The following PRRC2B variants were observed in gnomAD, a reference collection of about 807,000 sequenced individuals.
PRRC2B encodes proline rich coiled-coil 2B.
In PRRC2B, 68 loss-of-function variants were observed where a neutral mutation model predicts 242.3. The ratio of observed to expected loss-of-function variants is 0.28; its 90% CI spans 0.23 to 0.34. The LOEUF (loss-of-function observed/expected upper bound fraction) is 0.34, where lower values mean the gene tolerates loss of function less well. PRRC2B is among the 10% of genes least tolerant of loss of function. The probability of loss-of-function intolerance (pLI) is 1.00; values close to 1 mark genes in which losing one functional copy is unlikely to be tolerated. For synonymous variants in PRRC2B, 1,228 were observed against 1,173.6 expected (o/e 1.05, Z -0.95); for missense variants, 2,835 against 2,954.8 (o/e 0.96, Z 0.94).
Position 131,487,136 on chromosome 9 carries a change from T to C in PRRC2B, c.5857-31T>C. On this transcript the variant is annotated intron_variant, in intron 26 of 31. Coordinates refer to ENST00000683519, the MANE Select transcript of PRRC2B (RefSeq NM_013318.4). This position sits in a 1 kb window ranked among gnomAD's most constrained non-coding sequence, Gnocchi z 5.3. ...GAACCACCTGGATGGGCCTTGCGGT[T>C]ACCTCCCCGACCCCGTTTTCCCGTT... 1 of 1,610,260 alleles carries C rather than the reference T, an allele frequency of 6.2e-7. No individual in the cohort carries two copies. Among genetic ancestry groups the C allele is most frequent in the Non-Finnish European group, 8.5e-7 (1 of 1,178,456 alleles).
In PRRC2B at chr9:131,483,253, G is replaced by C. The variant is rs1374738477; in HGVS notation, c.5374-106G>C. On this transcript the variant is annotated intron_variant, in intron 22 of 31. Coordinates refer to ENST00000683519, the MANE Select transcript of PRRC2B (RefSeq NM_013318.4). ...ATGTGGCTCCAGTGAATGCTGCTCA[G>C]TGGAGTTTTTGAGTCGGGGAAACTG... 2.8e-6 allele frequency: 3 copies of C among 1,069,338 alleles called. No individual in the cohort carries two copies. The African/African-American group carries it at 4.7e-5, about 17-fold the overall frequency. The allele number at this position is 1,069,338 out of a possible 1,614,324, so 66.2% of individuals were successfully genotyped here.
In PRRC2B at chr9:131,484,718, G is replaced by T; in HGVS notation, c.5493G>T (p.Arg1831=). ...AGLTQSIPIL[R]RDHHIQRAIG... is the part of the protein sequence containing the mutation. ...TAACACAGAGTATCCCCATCCTGCG[G>T]CGGGACCATCACATCCAGAGGGCCA... The change falls in exon 24 of 32, where the codon CGG becomes CGT. Residue 1831 remains arginine, a synonymous_variant. Transcript: ENST00000683519. 2 of 1,612,624 alleles carry T rather than the reference G, an allele frequency of 1.2e-6. No homozygotes were observed. The highest frequency in any genetic ancestry group is 1.7e-6 in the Non-Finnish European group (2 of 1,179,234).
chr9:131,395,499 GCTGT>G (rs1221336788), intron 1 of PRRC2B, among the ~76,000 whole-genome samples: 1 of 152,162 alleles, frequency 6.6e-6, no homozygotes, highest in Non-Finnish European at 1.5e-5. Context: ...TGACTCTGGG[GCTGT>G]CTGAGGCTTC....
chr9:131,490,854 G>T, intron 28 of PRRC2B: 1 of 310,890 alleles, frequency 3.2e-6, no homozygotes, highest in South Asian at 2.8e-5. Context: ...ACTTGGCTTC[G>T]CCATTACTTC....
chr9:131,465,584 T>C (rs56323749), intron 12 of PRRC2B, among the ~76,000 whole-genome samples: 4,334 of 152,270 alleles, frequency 0.028, 131 homozygotes, highest in African/African-American at 0.065. Context: ...GTCACTATTA[T>C]CCTCGCTATC....
chr9:131,386,595 G>A (rs1241333989), intron 1 of PRRC2B, among the ~76,000 whole-genome samples: 1 of 149,990 alleles, frequency 6.7e-6, no homozygotes, highest in Non-Finnish European at 1.5e-5. Flanking sequence ...ATACGCTTAT[G>A]TCCTCTCTTG....
rs548263686 is a variant in PRRC2B at position 131,472,172 on chromosome 9, T to C, written c.2107+1189T>C. ...TGAAGTCTTTTGTTCCAATTTTTAC[T>C]GTTAGCCTCTTTGAGCCCTTATGTT... On this transcript the variant is annotated intron_variant, in intron 14 of 31. Coordinates refer to ENST00000683519, the MANE Select transcript of PRRC2B (RefSeq NM_013318.4). Among the ~76,000 whole-genome samples, 11 of 152,342 alleles carry C rather than the reference T, an allele frequency of 7.2e-5. No individual in the cohort carries two copies. In the South Asian group the frequency reaches 2.3e-3, roughly 32 times the overall value.
intron 1 of PRRC2B, among the ~76,000 whole-genome samples, chr9:131,377,825 G>T (rs891912516): frequency 6.6e-6 from 1 of 152,146 alleles, no homozygotes; most frequent in Admixed American, 6.6e-5. Flanking sequence ...GCACACACAT[G>T]GCTCCCTGCA....
intron 1 of PRRC2B, among the ~76,000 whole-genome samples, chr9:131,419,056 T>G (rs1837731255): frequency 6.6e-6 from 1 of 152,186 alleles, no homozygotes; most frequent in African/African-American, 2.4e-5. Flanking sequence ...CTTTTGTTAC[T>G]AAAAATGTGA....
chr9:131,474,932 A>C lies in PRRC2B; in HGVS notation c.2803A>C (p.Arg935=). 6.3e-7 allele frequency: 1 copy of C among 1,594,564 alleles called. No homozygotes were observed. ...CAGCCAGCACCCGGAGCAGACGGGC[A>C]GGACCCGGAGGTCGGGACCCATCAA... ...SSSQHPEQTG[R]TRRSGPIKKP... Residue 935 remains arginine (R), a synonymous_variant, in exon 16 of 32, where the codon AGG becomes CGG. Transcript: ENST00000683519.
At chr9:131,428,675 G>A (rs1838039096) in intron 1 of PRRC2B, among the ~76,000 whole-genome samples, 1 of 152,120 alleles carries the variant, frequency 6.6e-6, no homozygotes. Flanking sequence ...GGGATTATAG[G>A]TGTGAACCAC....
chr9:131,459,364 G>C lies in PRRC2B; in HGVS notation c.1404+8G>C, dbSNP rs1277657707. On this transcript the variant is annotated splice_region_variant and intron_variant, in intron 11 of 31. Transcript: ENST00000683519. ...CCAGGCCCTGACTACCAGGTACCAA[G>C]GGCCCTTGGCTGTCCTGTGTATTTG... is the stretch of plus-strand genomic sequence containing the variant. The C allele has an allele frequency of 1.2e-6, 2 of 1,609,018 alleles. No homozygotes were observed. Among genetic ancestry groups the C allele is most frequent in the Admixed American group, 1.7e-5 (1 of 58,786 alleles).
chr9:131,451,048 A>G (rs1386624161), intron 9 of PRRC2B, among the ~76,000 whole-genome samples: 1 of 152,214 alleles, frequency 6.6e-6, no homozygotes, highest in Non-Finnish European at 1.5e-5. Flanking sequence ...GCTATTAGAA[A>G]TGACATTGAT....
intron 12 of PRRC2B, among the ~76,000 whole-genome samples, chr9:131,466,907 T>C (rs981787725): frequency 6.6e-6 from 1 of 152,008 alleles, no homozygotes; most frequent in African/African-American, 2.4e-5. Flanking sequence ...GTTCATGCCA[T>C]TCTCCTGCCT....
rs770224095 is a variant in PRRC2B, at chr9:131,473,550, C to T, written c.2150C>T (p.Thr717Ile). The change falls in exon 15 of 32, where the codon ACA becomes ATA. Residue 717 changes from threonine to isoleucine, a missense_variant. Thr to Ile is a moderately conservative substitution (Grantham distance 89). Transcript: ENST00000683519. Reference protein sequence around the residue: ...PMMPQESLNGTGCRSEDQNCV... With the variant: ...PMMPQESLNGIGCRSEDQNCV... ...ATGCCCCAGGAGTCCCTCAATGGGA[C>T]AGGCTGTCGCTCTGAGGATCAGAAC... 2 of 1,609,512 alleles carry T rather than the reference C, an allele frequency of 1.2e-6. No homozygotes were observed. The highest frequency in any genetic ancestry group is 1.1e-5 in the South Asian group (1 of 90,008).
chr9:131,465,922 G>A (rs1238195490), intron 12 of PRRC2B, among the ~76,000 whole-genome samples: 8 of 152,056 alleles, frequency 5.3e-5, no homozygotes, highest in Admixed American at 3.9e-4. Context: ...ACAGGGTTTC[G>A]CCATGTTGGC....
At chr9:131,452,774 C>T (rs1588260267) in intron 9 of PRRC2B, among the ~76,000 whole-genome samples, 1 of 152,168 alleles carries the variant, frequency 6.6e-6, no homozygotes, top group Admixed American at 6.5e-5. Flanking sequence ...ATTTAGTTGT[C>T]TTACAGCCAG....
At chr9:131,447,923 G>A in intron 9 of PRRC2B, 119 bp downstream of exon 9, 1 of 1,125,362 alleles carries the variant, frequency 8.9e-7, no homozygotes, top group Non-Finnish European at 1.2e-6. Flanking sequence ...GGGATGAAGA[G>A]CCGGACAGGG....
At chr9:131,374,771 C>T (rs1836662097) in intron 1 of PRRC2B, among the ~76,000 whole-genome samples, 1 of 152,152 alleles carries the variant, frequency 6.6e-6, no homozygotes, top group Admixed American at 6.6e-5. Flanking sequence ...AGGTGATCTG[C>T]CCATGTTGGC....
Sources: allele counts gnomAD v4.1 joint callset (sites outside exome capture counted in the v4.1 genomes callset), GRCh38; gene constraint gnomAD v4.1.1; non-coding constraint Gnocchi (gnomAD v3.1); transcripts MANE v1.5; gene names NCBI Gene and HGNC (gene_info 2026-07-23, HGNC 2026-07-21).